The following MTSS1 variants were observed in gnomAD, a reference collection of about 807,000 sequenced individuals.
MTSS1 encodes protein MTSS 1.
MTSS1 carries 18 observed loss-of-function variants against 79.0 expected under a neutral mutation model. That is an observed-to-expected ratio of 0.23 (90% CI 0.16 to 0.34). The LOEUF (loss-of-function observed/expected upper bound fraction) is 0.34. MTSS1 is among the 10% of genes least tolerant of loss of function. The pLI, the probability that MTSS1 is intolerant of heterozygous loss-of-function variation, is 1.00. For missense variants in MTSS1, 815 were observed against 986.2 expected (o/e 0.83, Z 2.33); for synonymous variants, 341 against 368.6 (o/e 0.93, Z 0.86).
intron 1 of MTSS1, among the ~76,000 whole-genome samples, chr8:124,719,973 G>C (rs551949034): frequency 8.5e-5 from 13 of 152,314 alleles, no homozygotes; most frequent in African/African-American, 2.6e-4. Flanking sequence ...GGAAACGCTA[G>C]AGCCGGGCTT....
intron 1 of MTSS1, among the ~76,000 whole-genome samples, chr8:124,726,027 T>C (rs1448060827): frequency 6.6e-6 from 1 of 152,102 alleles, no homozygotes; most frequent in Non-Finnish European, 1.5e-5. Context: ...CATAGGATAC[T>C]GAACAAACCT....
At chr8:124,580,918 GA>G (rs1829927243) in intron 6 of MTSS1, among the ~76,000 whole-genome samples, 1 of 151,962 alleles carries the variant, frequency 6.6e-6, no homozygotes, top group African/African-American at 2.4e-5. Context: ...ACCATCACTT[GA>G]AAAATATCTA....
chr8:124,588,002 A>C (rs551455924), intron 5 of MTSS1, among the ~76,000 whole-genome samples: 22 of 152,328 alleles, frequency 1.4e-4, no homozygotes, highest in African/African-American at 5.3e-4. Flanking sequence ...AAGTTAAAGG[A>C]CGTGCACCAA....
chr8:124,598,946 A>C (rs1833246130), intron 3 of MTSS1, among the ~76,000 whole-genome samples: 1 of 152,218 alleles, frequency 6.6e-6, no homozygotes. Context: ...GTGGATAAGA[A>C]AGCCACCTCC....
At chr8:124,603,165 A>T (rs143981809) in intron 3 of MTSS1, among the ~76,000 whole-genome samples, 1 of 152,226 alleles carries the variant, frequency 6.6e-6, no homozygotes, top group Non-Finnish European at 1.5e-5. Context: ...ATCTGGGATT[A>T]CAGGCGTGCG....
At chr8:124,655,068 C>T (rs1053746020) in intron 3 of MTSS1, among the ~76,000 whole-genome samples, 1 of 152,252 alleles carries the variant, frequency 6.6e-6, no homozygotes, top group African/African-American at 2.4e-5. Flanking sequence ...CTTTTCTGCT[C>T]TCTAGCCCCC....
At chr8:124,661,894 T>G (rs1822112270) in intron 3 of MTSS1, among the ~76,000 whole-genome samples, 2 of 152,218 alleles carry the variant, frequency 1.3e-5, no homozygotes, top group Admixed American at 1.3e-4. Context: ...TTGTAAAGTA[T>G]GAGGGCCATG....
In MTSS1 at chr8:124,551,550, C is replaced by G. The variant is rs1026722885; in HGVS notation, c.*1442G>C. The G allele has an allele frequency of 1.3e-5, 2 of 152,630 alleles. No homozygotes were observed. Among genetic ancestry groups the G allele is most frequent in the African/African-American group, 4.8e-5 (2 of 41,454 alleles). The allele number at this position is 152,630 out of a possible 1,614,324, so 9.5% of individuals were successfully genotyped here. On this transcript the variant is annotated 3_prime_UTR_variant, in exon 14 of 14. Coordinates refer to ENST00000518547, the MANE Select transcript of MTSS1 (RefSeq NM_014751.6). The stretch of plus-strand genomic sequence containing the variant: ...TGCAGGGTGTATGAAACCCACCAAA[C>G]TCCTCCTCTGCCTTGAGAGGGTTCG...
At chr8:124,571,096 A>G (rs1302152521) in intron 6 of MTSS1, among the ~76,000 whole-genome samples, 2 of 152,158 alleles carry the variant, frequency 1.3e-5, no homozygotes, top group Non-Finnish European at 2.9e-5. Context: ...AGTAATCATC[A>G]CCATACATTA....
At chr8:124,563,562 A>G (rs11783209) in intron 9 of MTSS1, 62,510 of 160,076 alleles carry the variant, frequency 0.39, 12,618 homozygotes, top group Non-Finnish European at 0.45. Flanking sequence ...TGTCAAGAAC[A>G]TCAGCAAATC....
At chr8:124,563,220 G>A in intron 9 of MTSS1, 1 of 552,458 alleles carries the variant, frequency 1.8e-6, no homozygotes, top group Non-Finnish European at 3.2e-6. Context: ...GACCCAGGGG[G>A]AAATACAGCT....
chr8:124,622,056 G>GAGAA (rs1813627959), intron 3 of MTSS1, among the ~76,000 whole-genome samples: 1 of 97,560 alleles, frequency 1.0e-5, no homozygotes, highest in Non-Finnish European at 1.8e-5. Context: ...GAGACAGAAA[G>GAGAA]AGAAAGAGAG....
rs552005813 is a variant in MTSS1 at position 124,568,877 on chromosome 8, C to A, written c.461-341G>T. On this transcript the variant is annotated intron_variant, in intron 6 of 13. Transcript: ENST00000518547. ...AGAGCCAGACAGCATTCTTTCCTTGCAGAACATTCTGAAGAGGCTAAGAGA... is the reference window on the plus strand; with the variant it reads ...AGAGCCAGACAGCATTCTTTCCTTGAAGAACATTCTGAAGAGGCTAAGAGA... The A allele has an allele frequency of 3.7e-4, 531 of 1,420,506 alleles. 2 individuals are homozygous for A. The African/African-American group carries it at 6.8e-3, about 18-fold the overall frequency. The allele number at this position is 1,420,506 out of a possible 1,614,324, so 88.0% of individuals were successfully genotyped here. A position where few individuals can be genotyped will look rare whatever the true frequency, so the allele number is the denominator to read the frequency against.
At chr8:124,607,818 AT>A (rs1835131036) in intron 3 of MTSS1, among the ~76,000 whole-genome samples, 1 of 152,230 alleles carries the variant, frequency 6.6e-6, no homozygotes, top group Non-Finnish European at 1.5e-5. Context: ...TGTTGGAATT[AT>A]ATAAAGCCCG....
At chr8:124,607,901 A>C (rs1835146036) in intron 3 of MTSS1, among the ~76,000 whole-genome samples, 1 of 152,178 alleles carries the variant, frequency 6.6e-6, no homozygotes, top group African/African-American at 2.4e-5. Context: ...ATTACTTAAA[A>C]ATGTAATTTG....
chr8:124,672,611 C>T (rs1011116983), intron 3 of MTSS1, among the ~76,000 whole-genome samples: 4 of 151,240 alleles, frequency 2.6e-5, no homozygotes, highest in Middle Eastern at 3.6e-3. Context: ...TTTGAGACCA[C>T]CCTGGATAAC....
chr8:124,664,334 G>A (rs1587677613), intron 3 of MTSS1, among the ~76,000 whole-genome samples: 1 of 152,328 alleles, frequency 6.6e-6, no homozygotes, highest in East Asian at 1.9e-4. Flanking sequence ...CCCGTCTCTA[G>A]ATAAATGCTC....
chr8:124,691,784 G>A (rs1377498544), intron 3 of MTSS1, among the ~76,000 whole-genome samples: 7 of 152,050 alleles, frequency 4.6e-5, no homozygotes, highest in Non-Finnish European at 1.0e-4. Context: ...CCAAAGCACT[G>A]GGATTACAGG....
chr8:124,690,254 C>A (rs535986546), intron 3 of MTSS1, among the ~76,000 whole-genome samples: 12 of 152,312 alleles, frequency 7.9e-5, no homozygotes, highest in Non-Finnish European at 1.3e-4. Flanking sequence ...AGATGTAATT[C>A]AAGTATCATC....
Sources: allele counts gnomAD v4.1 joint callset (sites outside exome capture counted in the v4.1 genomes callset), GRCh38; gene constraint gnomAD v4.1.1; transcripts MANE v1.5; gene names NCBI Gene and HGNC (gene_info 2026-07-23, HGNC 2026-07-21).